SAMMSON: variants seen among roughly 807,000 people sequenced by gnomAD.
The protein encoded by SAMMSON is long intergenic non-protein coding RNA 1212.
At chr3:70,225,965 A>G (rs749636496) in intron 4 of SAMMSON, among the ~76,000 whole-genome samples, 1 of 152,144 alleles carries the variant, frequency 6.6e-6, no homozygotes, top group Non-Finnish European at 1.5e-5. Flanking sequence ...CGTCATTAAC[A>G]ATGTAGACAG....
At chr3:70,218,373 A>G (rs1283730302) in intron 4 of SAMMSON, among the ~76,000 whole-genome samples, 2 of 152,038 alleles carry the variant, frequency 1.3e-5, no homozygotes, top group East Asian at 3.9e-4. Flanking sequence ...TGGGCTTGCT[A>G]TTTTTCCCTT....
intron 4 of SAMMSON, chr3:70,196,783 T>C: frequency 2.5e-6 from 1 of 396,538 alleles, no homozygotes; most frequent in Non-Finnish European, 4.4e-6. Context: ...CTAGCTTTCC[T>C]AGACAGGTGC....
chr3:70,239,212 A>G (rs1211372852), intron 4 of SAMMSON, among the ~76,000 whole-genome samples: 1 of 152,186 alleles, frequency 6.6e-6, no homozygotes, highest in Non-Finnish European at 1.5e-5. Flanking sequence ...CAGTTCAACT[A>G]TGTCATGAAA....
rs561022211 is a variant in SAMMSON at position 70,360,690 on chromosome 3, T to A, written n.913+2366T>A. ...GTTGAATGCTTAATCATTGAATTTT[T>A]GAATGAGATATAACAATTGAACACT... On this transcript the variant is annotated intron_variant and non_coding_transcript_variant, in intron 9 of 9. Coordinates refer to ENST00000642114, the Ensembl canonical transcript of SAMMSON. 2.6e-5 allele frequency among the ~76,000 whole-genome samples: 4 copies of A among 152,276 alleles called. No homozygotes were observed. In the East Asian group the frequency reaches 5.8e-4, roughly 22 times the overall value.
At chr3:70,319,920 C>G (rs1273214145) in intron 7 of SAMMSON, among the ~76,000 whole-genome samples, 2 of 151,972 alleles carry the variant, frequency 1.3e-5, no homozygotes, top group Non-Finnish European at 2.9e-5. Flanking sequence ...TGGGAAAATA[C>G]TAGAACAGAA....
rs13315213 is a variant in SAMMSON, at chr3:70,098,437, G to A, written n.507+26872G>A. 5.2e-3 allele frequency among the ~76,000 whole-genome samples: 793 copies of A among 151,654 alleles called. 5 individuals are homozygous for A. Among genetic ancestry groups the A allele is most frequent in the African/African-American group, 0.018 (742 of 41,270 alleles). On this transcript the variant is annotated intron_variant and non_coding_transcript_variant, in intron 4 of 9. Coordinates refer to ENST00000642114, the Ensembl canonical transcript of SAMMSON. ...GGCTGGAGTGCAGTAGCACAGTCTCGGCTCACTGCAACTTCCACCTCCCTG... is the reference window on the plus strand; with the variant it reads ...GGCTGGAGTGCAGTAGCACAGTCTCAGCTCACTGCAACTTCCACCTCCCTG...
At chr3:70,263,123 T>A (rs961585778) in intron 6 of SAMMSON, among the ~76,000 whole-genome samples, 1 of 152,184 alleles carries the variant, frequency 6.6e-6, no homozygotes, top group Non-Finnish European at 1.5e-5. Context: ...AATAGTTGTT[T>A]TGATACCCTG....
In SAMMSON at chr3:70,295,420, A is replaced by G. The variant is rs553365623; in HGVS notation, n.739+4177A>G. 2.0e-5 allele frequency among the ~76,000 whole-genome samples: 3 copies of G among 152,262 alleles called. No homozygotes were observed. In the South Asian group the frequency reaches 6.2e-4, roughly 32 times the overall value. On this transcript the variant is annotated intron_variant and non_coding_transcript_variant, in intron 7 of 9. Coordinates refer to ENST00000642114, the Ensembl canonical transcript of SAMMSON. ...CCCAAAGGCTTACATACCATAATGA[A>G]AGCCCAGACATGGTGGCTTATTACT...
intron 4 of SAMMSON, among the ~76,000 whole-genome samples, chr3:70,149,280 C>G (rs1299299796): frequency 2.0e-5 from 3 of 152,104 alleles, no homozygotes; most frequent in African/African-American, 7.2e-5. Flanking sequence ...TTAAGCTTCT[C>G]TGGTCTGTTA....
chr3:70,317,460 A>G (rs1032571882), intron 7 of SAMMSON, among the ~76,000 whole-genome samples: 2 of 151,850 alleles, frequency 1.3e-5, no homozygotes, highest in African/African-American at 4.8e-5. Flanking sequence ...TACAATATAG[A>G]GTAAACATAA....
In SAMMSON at chr3:70,370,800, G is replaced by A. The variant is rs184472954; in HGVS notation, n.913+12476G>A. ...CACTCTTAATAATTTCCTTTGCTGT[G>A]CAGGAACTTTTTAGTTTAATATAGT... On this transcript the variant is annotated intron_variant and non_coding_transcript_variant, in intron 9 of 9. Transcript: ENST00000642114. 7.0e-4 allele frequency among the ~76,000 whole-genome samples: 107 copies of A among 151,990 alleles called. 1 individual carries two copies. Among genetic ancestry groups the A allele is most frequent in the African/African-American group, 2.5e-3 (103 of 41,502 alleles).
At chr3:70,375,811 C>A (rs969047161) in intron 9 of SAMMSON, among the ~76,000 whole-genome samples, 1 of 152,042 alleles carries the variant, frequency 6.6e-6, no homozygotes, top group Non-Finnish European at 1.5e-5. Flanking sequence ...TTTTTGCTGA[C>A]TCTCTCCGGT....
chr3:70,036,408 G>C lies in SAMMSON; in HGVS notation n.417+22736G>C, dbSNP rs559408742. 1.9e-3 allele frequency among the ~76,000 whole-genome samples: 296 copies of C among 152,208 alleles called. 1 individual carries two copies. Among genetic ancestry groups the C allele is most frequent in the Non-Finnish European group, 9.6e-4 (65 of 68,008 alleles). ...CCCCCACTGTCTGCTCACATGGTTT[G>C]AAGGGATTGATATCACTCTCAGATG... On this transcript the variant is annotated intron_variant and non_coding_transcript_variant, in intron 3 of 9. Coordinates refer to ENST00000642114, the Ensembl canonical transcript of SAMMSON.
intron 7 of SAMMSON, among the ~76,000 whole-genome samples, chr3:70,316,323 A>G (rs565751269): frequency 1.6e-4 from 25 of 152,254 alleles, no homozygotes; most frequent in African/African-American, 6.0e-4. Flanking sequence ...TGTTTTTAAA[A>G]CAATAAAATT....
At chr3:70,017,528 A>C (rs2066991335) in intron 3 of SAMMSON, among the ~76,000 whole-genome samples, 1 of 152,288 alleles carries the variant, frequency 6.6e-6, no homozygotes, top group East Asian at 1.9e-4. Context: ...GTCATCTGCA[A>C]ACAGGGACAA....
chr3:70,173,007 G>A (rs1700974562), intron 4 of SAMMSON: 1 of 151,776 alleles, frequency 6.6e-6, no homozygotes, highest in Non-Finnish European at 1.5e-5. Flanking sequence ...TTGCTTCATA[G>A]CGTTCTCATG....
chr3:70,167,482 C>G (rs1458626029), intron 4 of SAMMSON, among the ~76,000 whole-genome samples: 1 of 151,856 alleles, frequency 6.6e-6, no homozygotes, highest in Non-Finnish European at 1.5e-5. Context: ...ATTTTCACAG[C>G]CTTTGGACAC....
intron 4 of SAMMSON, among the ~76,000 whole-genome samples, chr3:70,122,884 G>A (rs2067440944): frequency 6.6e-6 from 1 of 151,976 alleles, no homozygotes. Flanking sequence ...TACTGTTCTC[G>A]AATGTCTTCT....
At chr3:70,408,666 A>G (rs1701194891) in intron 2 of SAMMSON, among the ~76,000 whole-genome samples, 1 of 152,094 alleles carries the variant, frequency 6.6e-6, no homozygotes, top group Non-Finnish European at 1.5e-5. Context: ...AAAGCCATTC[A>G]ATGAGTCTCT....
Sources: gnomAD v4.1 joint callset for allele counts (sites outside exome capture counted in the v4.1 genomes callset) on GRCh38, gnomAD v4.1.1 for gene constraint, MANE v1.5 for transcripts, NCBI Gene and HGNC (gene_info 2026-07-23, HGNC 2026-07-21) for gene names.